The following MPRIP variants were observed in gnomAD, a reference collection of about 807,000 sequenced individuals.
MPRIP encodes myosin phosphatase Rho-interacting protein.
A neutral mutation model predicts 234.9 loss-of-function variants in MPRIP; 59 were observed. That is an observed-to-expected ratio of 0.25 (90% confidence interval 0.20 to 0.31). The LOEUF (loss-of-function observed/expected upper bound fraction) is 0.31. Among genes scored for constraint, MPRIP ranks in the 10% least tolerant of loss-of-function variants. The pLI is 1.00. For missense variants in MPRIP, 2,436 were observed against 3,071.0 expected, an observed-to-expected ratio of 0.79 and a Z score of 4.89; for synonymous variants, 1,144 against 1,263.9, an observed-to-expected ratio of 0.91 and a Z score of 2.01.
chr17:17,154,227 C>G (rs1220285637), intron 12 of MPRIP, 79 bp from the exon 13 acceptor site: 19 of 1,239,796 alleles, frequency 1.5e-5, no homozygotes, highest in Non-Finnish European at 2.2e-5. Flanking sequence ...TTACCCAGTG[C>G]AGGGAGCTTC....
At position 17,113,472 on chromosome 17, in the gene MPRIP, A is replaced by G. The variant is rs538275619; in HGVS notation, c.268-13230A>G. On this transcript the variant is annotated intron_variant, in intron 3 of 23. Transcript: ENST00000651222. ...CATCCATAGTATAGCACATACCAGA[A>G]TTTCTTTCCTTTTTATGGCTGAATT... 1.2e-4 allele frequency among the ~76,000 whole-genome samples: 18 copies of G among 152,282 alleles called. No individual in the cohort carries two copies. In the East Asian group the frequency reaches 2.3e-3, roughly 20 times the overall value.
intron 15 of MPRIP, 107 bp downstream of exon 15, chr17:17,161,463 G>A (rs1409706503): frequency 2.0e-5 from 12 of 585,848 alleles, no homozygotes; most frequent in Non-Finnish European, 8.6e-6. Flanking sequence ...GAGCAGGGGT[G>A]TCTCCCAGGA....
chr17:17,050,131 C>T (rs888134196), intron 1 of MPRIP, among the ~76,000 whole-genome samples: 8 of 152,016 alleles, frequency 5.3e-5, no homozygotes, highest in East Asian at 3.9e-4. Flanking sequence ...ATCGAGACCA[C>T]GGTGAAACCC....
chr17:17,158,399 CT>C lies in MPRIP; in HGVS notation c.1830-32del. 6.6e-6 allele frequency: 10 copies of C among 1,518,558 alleles called. No homozygotes were observed. The South Asian group carries it at 1.2e-4, about 18-fold the overall frequency. 94.1% of individuals were successfully genotyped at this position (1,518,558 alleles called of 1,614,324 possible). On this transcript the variant is annotated intron_variant, in intron 13 of 23. Coordinates refer to ENST00000651222, the MANE Select transcript of MPRIP (RefSeq NM_001364716.4). ...CTGGCAGGCCACACCAGAGCCGCCC[CT>C]GACAGGCTATGTCCATCCTCCTGCC...
intron 1 of MPRIP, among the ~76,000 whole-genome samples, chr17:17,045,709 C>T (rs763344464): frequency 6.6e-5 from 10 of 152,104 alleles, no homozygotes; most frequent in Non-Finnish European, 1.0e-4. Flanking sequence ...GATAAGTGAC[C>T]GTCCTTTATT....
intron 5 of MPRIP, among the ~76,000 whole-genome samples, chr17:17,134,007 C>T (rs1406744887): frequency 6.6e-6 from 1 of 152,170 alleles, no homozygotes; most frequent in Non-Finnish European, 1.5e-5. Flanking sequence ...GAGGCCCGCT[C>T]CTCCATCTCC....
chr17:17,118,621 C>G (rs746105208), intron 3 of MPRIP, among the ~76,000 whole-genome samples: 1 of 152,166 alleles, frequency 6.6e-6, no homozygotes. Flanking sequence ...CTGGCGGTGA[C>G]GACTGGGAAG....
chr17:17,113,883 TTC>T lies in MPRIP; in HGVS notation c.268-12817_268-12816del, dbSNP rs1230728172. On this transcript the variant is annotated intron_variant, in intron 3 of 23. Transcript: ENST00000651222. ...GATTTGCATTTTCTTTTCTTTTCTTTTCTTTTTTTTTTTTTTTTTTTACTTAA... is the reference window on the plus strand; with the variant it reads ...GATTTGCATTTTCTTTTCTTTTCTTTTTTTTTTTTTTTTTTTTTTACTTAA... Among the ~76,000 whole-genome samples the T allele has an allele frequency of 2.2e-3, 302 of 140,278 alleles. 1 individual carries two copies. The highest frequency in any genetic ancestry group is 7.8e-3 in the African/African-American group (286 of 36,854). 92.0% of individuals were successfully genotyped at this position (140,278 alleles called of 152,430 possible). A position where few individuals can be genotyped will look rare whatever the true frequency, so the allele number is the denominator to read the frequency against.
intron 3 of MPRIP, among the ~76,000 whole-genome samples, chr17:17,107,384 G>A (rs2090083412): frequency 6.6e-6 from 1 of 152,238 alleles, no homozygotes; most frequent in Non-Finnish European, 1.5e-5. Context: ...GGTTTGGGTA[G>A]ATGTGGGGAG....
At chr17:17,180,176 G>A in intron 23 of MPRIP, 88 bp downstream of exon 23, 1 of 1,086,808 alleles carries the variant, frequency 9.2e-7, no homozygotes, top group Non-Finnish European at 1.3e-6. Flanking sequence ...GCTCCCATGG[G>A]CCACAGCTGC....
At chr17:17,149,296 C>T (rs1203219477) in intron 11 of MPRIP, among the ~76,000 whole-genome samples, 1 of 152,128 alleles carries the variant, frequency 6.6e-6, no homozygotes. Flanking sequence ...AGTTTGAGAC[C>T]AGCCTAGCCA....
chr17:17,073,604 C>T (rs1017370717), intron 1 of MPRIP, among the ~76,000 whole-genome samples: 1 of 152,142 alleles, frequency 6.6e-6, no homozygotes, highest in Non-Finnish European at 1.5e-5. Context: ...CACTTGTGGC[C>T]GGTGAGAGGC....
At chr17:17,159,127 A>T in intron 14 of MPRIP, 125 bp downstream of exon 14, 2 of 977,378 alleles carry the variant, frequency 2.0e-6, no homozygotes, top group Non-Finnish European at 3.0e-6. Context: ...GCAGACCCCT[A>T]GGGGAGACAG....
chr17:17,111,268 A>G (rs2090166068), intron 3 of MPRIP, among the ~76,000 whole-genome samples: 1 of 149,098 alleles, frequency 6.7e-6, no homozygotes, highest in Non-Finnish European at 1.5e-5. Flanking sequence ...TAGAGACTCG[A>G]AGAGAGAGGA....
At chr17:17,162,777 G>C (rs2045901167) in intron 15 of MPRIP, among the ~76,000 whole-genome samples, 1 of 152,184 alleles carries the variant, frequency 6.6e-6, no homozygotes, top group Admixed American at 6.5e-5. Context: ...GAAAGGAAAT[G>C]CTCACTGGAG....
chr17:17,174,179 C>T, intron 19 of MPRIP, 104 bp downstream of exon 19: 1 of 1,368,542 alleles, frequency 7.3e-7, no homozygotes. Context: ...AGGCCTCACC[C>T]TCAAAGTGGC....
chr17:17,116,915 A>G (rs902338184), intron 3 of MPRIP, among the ~76,000 whole-genome samples: 21 of 152,232 alleles, frequency 1.4e-4, no homozygotes, highest in Admixed American at 1.0e-3. Context: ...CACGGTACTC[A>G]GCTGCCTTTG....
At chr17:17,065,789 A>G (rs896273124) in intron 1 of MPRIP, among the ~76,000 whole-genome samples, 3 of 152,214 alleles carry the variant, frequency 2.0e-5, no homozygotes, top group Admixed American at 1.3e-4. Flanking sequence ...CAGTCCACGA[A>G]CACATTATGT....
intron 15 of MPRIP, among the ~76,000 whole-genome samples, chr17:17,162,737 A>G (rs2045900378): frequency 6.6e-6 from 1 of 152,244 alleles, no homozygotes; most frequent in Admixed American, 6.5e-5. Context: ...AAATGCTCCA[A>G]AATCCAAAAC....
Sources: allele counts gnomAD v4.1 joint callset (sites outside exome capture counted in the v4.1 genomes callset), GRCh38; gene constraint gnomAD v4.1.1; transcripts MANE v1.5; gene names NCBI Gene and HGNC (gene_info 2026-07-23, HGNC 2026-07-21).